The following FHDC1 variants were observed in gnomAD, a reference collection of about 807,000 sequenced individuals.
FHDC1 encodes FH2 domain-containing protein 1.
In FHDC1, 25 loss-of-function variants were observed where a neutral mutation model predicts 52.6. The observed-to-expected ratio is 0.48, with a 90% CI of 0.35 to 0.66. FHDC1 has a LOEUF of 0.66. Ranked by LOEUF, FHDC1 falls within the 30% of genes least tolerant of loss-of-function variation. The probability of loss-of-function intolerance (pLI) is 0.01; values close to 1 mark genes in which losing one functional copy is unlikely to be tolerated. For missense variants in FHDC1, 1,459 were observed against 1,452.8 expected (o/e 1.00, Z -0.07); for synonymous variants, 616 against 581.5 (o/e 1.06, Z -0.85).
At chr4:152,973,480 C>T (rs139320406) in intron 11 of FHDC1, among the ~76,000 whole-genome samples, 152 of 152,332 alleles carry the variant, frequency 1.0e-3, no homozygotes, top group African/African-American at 3.6e-3. Flanking sequence ...TGGTGGGTGT[C>T]AAGGCCAAGT....
At position 152,976,621 on chromosome 4, in the gene FHDC1, G is replaced by A; in HGVS notation, c.3330G>A (p.Glu1110=). Residue 1110 remains glutamate (E), a synonymous_variant, in exon 12 of 12, where the codon GAG becomes GAA. Coordinates refer to ENST00000511601, the MANE Select transcript of FHDC1 (RefSeq NM_001371116.1). Reference sequence around the variant, plus strand: ...CGGAGGGTCCCAGTGCCAACACGGAGGCCCCTCTGAAGGCCAGAGGGGCTG... The same window carrying A: ...CGGAGGGTCCCAGTGCCAACACGGAAGCCCCTCTGAAGGCCAGAGGGGCTG... The part of the protein sequence containing the change: ...ESAEGPSANT[E]APLKARGAGE... The A allele has an allele frequency of 6.2e-7, 1 of 1,608,118 alleles. No individual in the cohort carries two copies. The highest frequency in any genetic ancestry group is 8.5e-7 in the Non-Finnish European group (1 of 1,177,148).
At position 152,962,824 on chromosome 4, in the gene FHDC1, A is replaced by T. The variant is rs1345755070; in HGVS notation, c.861A>T (p.Ser287=). 5.0e-6 allele frequency: 8 copies of T among 1,614,106 alleles called. No homozygotes were observed. In the South Asian group the frequency reaches 7.7e-5, roughly 16 times the overall value. The change falls in exon 7 of 12, where the codon TCA becomes TCT. Residue 287 remains serine, a synonymous_variant. Transcript: ENST00000511601. ...VLRTAIKELM[S]CEELHSILHL... is the part of the protein sequence containing the mutation. ...TGTTCTTTTTGATAGAACTGATGTCATGTGAAGAGCTACATTCAATATTAC... is the reference window on the plus strand; with the variant it reads ...TGTTCTTTTTGATAGAACTGATGTCTTGTGAAGAGCTACATTCAATATTAC...
At chr4:152,934,874 T>C (rs1296574454), upstream of FHDC1, among the ~76,000 whole-genome samples, 1 of 150,374 alleles carries the variant, frequency 6.7e-6, no homozygotes, top group Non-Finnish European at 1.5e-5. Context: ...GAGGGAGGAG[T>C]AGGCAAGGGG....
intron 2 of FHDC1, among the ~76,000 whole-genome samples, chr4:152,949,118 T>TAAGAAGAAGAAG (rs758697130): frequency 3.6e-3 from 270 of 75,792 alleles, no homozygotes; most frequent in East Asian, 0.013. Flanking sequence ...ATAATAATAA[T>TAAGAAGAAGAAG]AATAATAAGA....
the FHDC1 span, among the ~76,000 whole-genome samples, chr4:152,923,023 G>A: frequency 1.3e-5 from 2 of 152,092 alleles, no homozygotes; most frequent in African/African-American, 4.8e-5. Flanking sequence ...TTAGGCAGGA[G>A]AAGGAAATAA....
the FHDC1 span, among the ~76,000 whole-genome samples, chr4:152,923,296 T>TA: frequency 5.5e-3 from 834 of 152,208 alleles, 7 homozygotes; most frequent in African/African-American, 0.018. Flanking sequence ...GAATCCAACT[T>TA]ACAAGGGACG....
intron 9 of FHDC1, among the ~76,000 whole-genome samples, chr4:152,966,624 TA>T (rs1440204770): frequency 6.6e-6 from 1 of 152,108 alleles, no homozygotes; most frequent in African/African-American, 2.4e-5. Flanking sequence ...CATGCCCAGT[TA>T]ATTTTTTTGT....
the FHDC1 span, among the ~76,000 whole-genome samples, chr4:152,920,771 C>G: frequency 1.3e-5 from 2 of 151,836 alleles, no homozygotes; most frequent in African/African-American, 4.8e-5. Flanking sequence ...ATAAAAATCT[C>G]TTGTAATTTT....
At chr4:152,932,089 A>G (rs1184453840), upstream of FHDC1, among the ~76,000 whole-genome samples, 2 of 152,148 alleles carry the variant, frequency 1.3e-5, no homozygotes, top group African/African-American at 4.8e-5. Flanking sequence ...TTAGCCTTCA[A>G]AAATGAAGTA....
At chr4:152,911,787 T>A in the FHDC1 span, 1 of 152,646 alleles carries the variant, frequency 6.6e-6, no homozygotes, top group Non-Finnish European at 1.5e-5. Context: ...CCTGTATATT[T>A]GTACTCAGAG....
At chr4:152,973,423 C>T (rs188488631) in intron 11 of FHDC1, among the ~76,000 whole-genome samples, 3 of 152,382 alleles carry the variant, frequency 2.0e-5, no homozygotes, top group Admixed American at 1.3e-4. Flanking sequence ...CCTGTGGCCA[C>T]GTTTGCACTC....
At position 152,976,583 on chromosome 4, in the gene FHDC1, C is replaced by A. The variant is rs373722069; in HGVS notation, c.3292C>A (p.Arg1098Ser). ...RASSARAPKKRPESAEGPSAN... is the reference protein window; with the variant it reads ...RASSARAPKKSPESAEGPSAN... ...CAGCAGTGCCCGGGCCCCCAAGAAG[C>A]GCCCAGAGTCTGCGGAGGGTCCCAG... The change falls in exon 12 of 12, where the codon CGC becomes AGC. Residue 1098 changes from arginine (R) to serine (S), a missense_variant. This residue lies in a region of FHDC1 where 939 missense variants were observed against 854.5 expected (regional missense o/e 1.10). Transcript: ENST00000511601. The A allele has an allele frequency of 6.2e-7, 1 of 1,612,376 alleles. No homozygotes were observed. Among genetic ancestry groups the A allele is most frequent in the Non-Finnish European group, 8.5e-7 (1 of 1,179,512 alleles).
At position 152,975,082 on chromosome 4, in the gene FHDC1, C is replaced by A; in HGVS notation, c.1791C>A (p.Ser597Arg). ...EPAEVRHQDS[S>R]FAHKPQASGG... is the part of the protein sequence containing the mutation. The stretch of plus-strand genomic sequence containing the variant: ...CAGAAGTGAGGCACCAGGACTCCAG[C>A]TTTGCACACAAACCTCAGGCCTCGG... Residue 597 changes from serine (S) to arginine (R), a missense_variant, in exon 12 of 12, where the codon AGC (serine) becomes AGA (arginine). Transcript: ENST00000511601. 6.2e-7 allele frequency: 1 copy of A among 1,612,706 alleles called. No individual in the cohort carries two copies. The highest frequency in any genetic ancestry group is 2.2e-5 in the East Asian group (1 of 44,868).
At chr4:152,931,007 TC>T in the FHDC1 span, among the ~76,000 whole-genome samples, 1 of 129,762 alleles carries the variant, frequency 7.7e-6, no homozygotes, top group South Asian at 2.7e-4. Flanking sequence ...ACTCTCTCTC[TC>T]TCTCTCTCTC....
chr4:152,957,581 C>T (rs1448367231), intron 4 of FHDC1, among the ~76,000 whole-genome samples: 4 of 152,232 alleles, frequency 2.6e-5, no homozygotes, highest in African/African-American at 4.8e-5. Flanking sequence ...AACCCCGCCT[C>T]GCGCTGCTGG....
chr4:152,947,175 C>A (rs1475929540), intron 2 of FHDC1, among the ~76,000 whole-genome samples: 1 of 148,860 alleles, frequency 6.7e-6, no homozygotes, highest in African/African-American at 2.5e-5. Context: ...GTGGAGATCG[C>A]GCCACTGTAC....
chr4:152,936,869 C>A (rs553873011), intron 1 of FHDC1, among the ~76,000 whole-genome samples: 17 of 152,286 alleles, frequency 1.1e-4, no homozygotes, highest in Non-Finnish European at 2.4e-4. Flanking sequence ...GCGCCGCGCT[C>A]GGTTCCCTAG....
chr4:152,948,544 C>A (rs565363737), intron 2 of FHDC1, among the ~76,000 whole-genome samples: 1 of 152,158 alleles, frequency 6.6e-6, no homozygotes, highest in Non-Finnish European at 1.5e-5. Flanking sequence ...ACCTCCACCT[C>A]CTGGTTCAAG....
intron 4 of FHDC1, among the ~76,000 whole-genome samples, chr4:152,955,418 C>G (rs1740052659): frequency 6.6e-6 from 1 of 152,186 alleles, no homozygotes; most frequent in Non-Finnish European, 1.5e-5. Flanking sequence ...AGAAATTACA[C>G]AAATACCTAT....
Sources: allele counts gnomAD v4.1 joint callset (sites outside exome capture counted in the v4.1 genomes callset), GRCh38; gene constraint gnomAD v4.1.1; regional missense constraint gnomAD v4.1.1; transcripts MANE v1.5; gene names NCBI Gene and HGNC (gene_info 2026-07-23, HGNC 2026-07-21).